The following EPG5 variants were observed in gnomAD, a reference collection of about 807,000 sequenced individuals.
EPG5 encodes ectopic P granules protein 5 homolog.
Under a neutral mutation model 302.7 loss-of-function variants are expected in EPG5, and 159 were observed. The observed-to-expected ratio is 0.53, with a 90% CI of 0.46 to 0.60. EPG5 has a LOEUF of 0.60. Among genes scored for constraint, EPG5 ranks in the 20% least tolerant of loss-of-function variants. The pLI is 0.00. For synonymous variants in EPG5, 1,158 were observed against 1,136.8 expected, an observed-to-expected ratio of 1.02 and a Z score of -0.37; for missense variants, 2,896 against 3,092.4, an observed-to-expected ratio of 0.94 and a Z score of 1.51.
intron 35 of EPG5, among the ~76,000 whole-genome samples, chr18:45,872,372 C>T (rs2048889200): frequency 6.6e-6 from 1 of 152,192 alleles, no homozygotes; most frequent in African/African-American, 2.4e-5. Context: ...ACAGTAAGAA[C>T]AGAAACCTGA....
At chr18:45,857,271 G>A (rs765670642) in intron 42 of EPG5, among the ~76,000 whole-genome samples, 4 of 151,902 alleles carry the variant, frequency 2.6e-5, no homozygotes, top group South Asian at 2.1e-4. Context: ...CACCATGCCC[G>A]GCTAATTTCT....
chr18:45,837,562 G>T, the EPG5 span: 20 of 1,516,302 alleles, frequency 1.3e-5, no homozygotes, highest in Admixed American at 2.0e-5. Context: ...AGGTGAGCGC[G>T]GAGGCAGGCG....
the EPG5 span, among the ~76,000 whole-genome samples, chr18:45,818,138 A>G: frequency 6.6e-6 from 1 of 152,204 alleles, no homozygotes; most frequent in Non-Finnish European, 1.5e-5. Context: ...AATCTTTTTA[A>G]TAGATTCAAA....
At chr18:45,923,520 T>G in intron 14 of EPG5, 133 bp from the exon 15 acceptor site, 1 of 915,282 alleles carries the variant, frequency 1.1e-6, no homozygotes, top group Non-Finnish European at 1.6e-6. Flanking sequence ...AAAAATCACA[T>G]CCCACACAGT....
intron 35 of EPG5, among the ~76,000 whole-genome samples, chr18:45,871,560 T>C (rs752488572): frequency 2.6e-5 from 4 of 152,202 alleles, no homozygotes; most frequent in Non-Finnish European, 5.9e-5. Context: ...TGGATTTTTC[T>C]AAATGTGGTG....
At chr18:45,801,432 T>C in the EPG5 span, among the ~76,000 whole-genome samples, 5 of 152,090 alleles carry the variant, frequency 3.3e-5, no homozygotes, top group Non-Finnish European at 2.9e-5. Flanking sequence ...GCCTTCCCAG[T>C]AATTGGCTTT....
At chr18:45,820,828 G>A in the EPG5 span, among the ~76,000 whole-genome samples, 2 of 152,172 alleles carry the variant, frequency 1.3e-5, no homozygotes, top group Non-Finnish European at 2.9e-5. Flanking sequence ...ATGTCATGGG[G>A]AATATAAATC....
intron 1 of EPG5, among the ~76,000 whole-genome samples, chr18:45,963,714 C>T (rs1447566913): frequency 1.3e-5 from 2 of 152,170 alleles, no homozygotes; most frequent in South Asian, 2.1e-4. Flanking sequence ...GAGGCAAGAT[C>T]ATACAGAGCC....
rs780459083 is a variant in EPG5, at chr18:45,930,777, C to G, written c.2311G>C (p.Glu771Gln). ...EKCLSSMNSS[E>Q]EICLLTTFAQ... is the part of the protein sequence containing the mutation. ...AAGGTAGTCAGAAGGCAAATCTCTT[C>G]TGAGCTATTCATAGAAGAAAGACAC... Residue 771 changes from glutamate to glutamine, a missense_variant, in exon 12 of 44, where the codon GAA becomes CAA. Coordinates refer to ENST00000282041, the MANE Select transcript of EPG5 (RefSeq NM_020964.3). 6.2e-7 allele frequency: 1 copy of G among 1,610,506 alleles called. No individual in the cohort carries two copies. The highest frequency in any genetic ancestry group is 1.1e-5 in the South Asian group (1 of 89,984).
intron 27 of EPG5, among the ~76,000 whole-genome samples, chr18:45,899,175 G>A (rs1402490413): frequency 6.6e-6 from 1 of 152,060 alleles, no homozygotes; most frequent in East Asian, 1.9e-4. Flanking sequence ...TCTTCTCAAT[G>A]ATTCTGATTT....
rs2050340505 is a variant in EPG5 at position 45,929,017 on chromosome 18, G to A, written c.2413-8C>T. On this transcript the variant is annotated splice_region_variant and splice_polypyrimidine_tract_variant and intron_variant, in intron 12 of 43. Transcript: ENST00000282041. ...CAAGGTGACATAAGATACCTAAATG[G>A]GGGGAAGGGGGAAGAAGATGGCACT... is the stretch of plus-strand genomic sequence containing the variant. 1.2e-6 allele frequency: 2 copies of A among 1,611,874 alleles called. No individual in the cohort carries two copies. Among genetic ancestry groups the A allele is most frequent in the East Asian group, 2.2e-5 (1 of 44,840 alleles).
chr18:45,890,140 G>A, intron 27 of EPG5, 200 bp from the exon 28 acceptor site: 1 of 407,282 alleles, frequency 2.5e-6, no homozygotes, highest in Non-Finnish European at 4.4e-6. Flanking sequence ...TTTCACTTAT[G>A]TTTCAACTCC....
chr18:45,921,810 C>G, intron 16 of EPG5, among the ~76,000 whole-genome samples: 1 of 151,478 alleles, frequency 6.6e-6, no homozygotes, highest in African/African-American at 2.4e-5. Flanking sequence ...CAGGGCCTGT[C>G]ATGGGGTGGG....
chr18:45,917,276 A>G (rs544242213), intron 17 of EPG5, among the ~76,000 whole-genome samples: 7 of 152,138 alleles, frequency 4.6e-5, no homozygotes, highest in Non-Finnish European at 8.8e-5. Flanking sequence ...CCTTCCTAGC[A>G]TCTTATCTGT....
chr18:45,866,591 C>T (rs929525443), intron 38 of EPG5, among the ~76,000 whole-genome samples: 2 of 152,192 alleles, frequency 1.3e-5, no homozygotes, highest in Admixed American at 1.3e-4. Context: ...CTTTCATCGA[C>T]ATGTGACATT....
At chr18:45,911,092 C>CAA (rs2049885527) in intron 22 of EPG5, among the ~76,000 whole-genome samples, 2 of 144,000 alleles carry the variant, frequency 1.4e-5, no homozygotes, top group African/African-American at 5.4e-5. Context: ...CACACACACA[C>CAA]ACACACACAC....
rs901944005 is a variant in EPG5, at chr18:45,942,480, G to A, written c.1943+681C>T. Among the ~76,000 whole-genome samples the A allele has an allele frequency of 2.6e-5, 4 of 151,918 alleles. No individual in the cohort carries two copies. The East Asian group carries it at 5.8e-4, about 22-fold the overall frequency. On this transcript the variant is annotated intron_variant, in intron 9 of 43. Coordinates refer to ENST00000282041, the MANE Select transcript of EPG5 (RefSeq NM_020964.3). ...TAGCCAGGTGTGGTGGTGCGCACCT[G>A]TAATCCCAGCTACTCAGGAGGCTGA...
intron 25 of EPG5, among the ~76,000 whole-genome samples, chr18:45,902,581 T>C (rs771563865): frequency 6.6e-6 from 1 of 152,216 alleles, no homozygotes; most frequent in African/African-American, 2.4e-5. Context: ...ACAAATTTAG[T>C]TTAAGAAAAA....
rs1382462163 is a variant in EPG5, at chr18:45,884,827, A to G, written c.5110-16T>C. 5 of 1,502,062 alleles carry G rather than the reference A, an allele frequency of 3.3e-6. No individual in the cohort carries two copies. Among genetic ancestry groups the G allele is most frequent in the Non-Finnish European group, 3.5e-6 (4 of 1,128,874 alleles). 93.0% of individuals were successfully genotyped at this position (1,502,062 alleles called of 1,614,324 possible). A position where few individuals can be genotyped will look rare whatever the true frequency, so the allele number is the denominator to read the frequency against. On this transcript the variant is annotated splice_polypyrimidine_tract_variant and intron_variant, in intron 29 of 43. Transcript: ENST00000282041. ...TGATAAATACCTTGGAAAAATAAAA[A>G]GGAAAAATGTCACCAGATTCTTCCC...
Sources: allele counts gnomAD v4.1 joint callset (sites outside exome capture counted in the v4.1 genomes callset), GRCh38; gene constraint gnomAD v4.1.1; transcripts MANE v1.5; gene names NCBI Gene and HGNC (gene_info 2026-07-23, HGNC 2026-07-21).